The following TUBGCP3 variants were observed in gnomAD, a reference collection of about 807,000 sequenced individuals.
TUBGCP3 encodes the protein tubulin gamma complex component 3.
Under a neutral mutation model 123.1 loss-of-function variants are expected in TUBGCP3, and 50 were observed. The observed-to-expected ratio is 0.41, with a 90% CI of 0.32 to 0.51. The LOEUF (loss-of-function observed/expected upper bound fraction) is 0.51. Among genes scored for constraint, TUBGCP3 ranks in the 20% least tolerant of loss-of-function variants. The pLI is 0.36. For missense variants in TUBGCP3, 882 were observed against 1,127.0 expected (o/e 0.78, Z 3.11); for synonymous variants, 405 against 413.9 (o/e 0.98, Z 0.26).
At chr13:112,564,960 C>T in intron 3 of TUBGCP3, 151 bp downstream of exon 3, 1 of 586,276 alleles carries the variant, frequency 1.7e-6, no homozygotes, top group Non-Finnish European at 2.8e-6. Context: ...CTGAAGCTCA[C>T]ACAAAAAAAG....
intron 1 of TUBGCP3, among the ~76,000 whole-genome samples, chr13:112,582,721 T>C (rs938253314): frequency 6.6e-6 from 1 of 152,162 alleles, no homozygotes. Flanking sequence ...TGGCCACAAA[T>C]CACCTAAGGA....
In TUBGCP3 at chr13:112,588,052, C is replaced by T; in HGVS notation, c.-72G>A. On this transcript the variant is annotated 5_prime_UTR_variant, in exon 1 of 22. Coordinates refer to ENST00000261965, the MANE Select transcript of TUBGCP3 (RefSeq NM_006322.6). ...CGCCGCACGCGCAGGGACCGCGGCC[C>T]GCGCCCTTCCTGCGCCCCGCAAGCT... is the stretch of plus-strand genomic sequence containing the variant. The T allele has an allele frequency of 7.9e-7, 1 of 1,263,170 alleles. No homozygotes were observed. Among genetic ancestry groups the T allele is most frequent in the Non-Finnish European group, 1.0e-6 (1 of 969,568 alleles). The allele number at this position is 1,263,170 out of a possible 1,614,324, so 78.2% of individuals were successfully genotyped here.
intron 11 of TUBGCP3, among the ~76,000 whole-genome samples, chr13:112,531,100 A>C (rs2139107201): frequency 6.6e-6 from 1 of 152,328 alleles, no homozygotes; most frequent in Non-Finnish European, 1.5e-5. Context: ...TCCAAGAGTA[A>C]GTATTTCAGG....
chr13:112,575,507 T>G (rs1030419245), intron 1 of TUBGCP3, among the ~76,000 whole-genome samples: 5 of 152,142 alleles, frequency 3.3e-5, no homozygotes, highest in Non-Finnish European at 7.3e-5. Flanking sequence ...CAAATACATC[T>G]GGAGACATCA....
At chr13:112,558,484 A>ATTTATATT (rs1448675324) in intron 4 of TUBGCP3, 71 bp from the exon 5 acceptor site, 1 of 1,295,492 alleles carries the variant, frequency 7.7e-7, no homozygotes, top group African/African-American at 1.5e-5. Context: ...TAAAAAGGTC[A>ATTTATATT]TTTATATTCA....
intron 13 of TUBGCP3, 134 bp from the exon 14 acceptor site, chr13:112,522,643 C>T (rs912833286): frequency 8.9e-5 from 67 of 753,686 alleles, no homozygotes; most frequent in Non-Finnish European, 1.3e-4. Flanking sequence ...ACCGCAGGCA[C>T]AGACAGCTGG....
Position 112,588,054 on chromosome 13 carries a change from C to A in TUBGCP3, c.-74G>T. ...CCGCACGCGCAGGGACCGCGGCCCGCGCCCTTCCTGCGCCCCGCAAGCTCC... is the reference window on the plus strand; with the variant it reads ...CCGCACGCGCAGGGACCGCGGCCCGAGCCCTTCCTGCGCCCCGCAAGCTCC... On this transcript the variant is annotated 5_prime_UTR_variant, in exon 1 of 22. Coordinates refer to ENST00000261965, the MANE Select transcript of TUBGCP3 (RefSeq NM_006322.6). 2 of 1,259,000 alleles carry A rather than the reference C, an allele frequency of 1.6e-6. No individual in the cohort carries two copies. The highest frequency in any genetic ancestry group is 2.1e-6 in the Non-Finnish European group (2 of 966,818). 78.0% of individuals were successfully genotyped at this position (1,259,000 alleles called of 1,614,324 possible). A position where few individuals can be genotyped will look rare whatever the true frequency, so the allele number is the denominator to read the frequency against.
At position 112,485,107 on chromosome 13, in the gene TUBGCP3, C is replaced by G. The variant is rs1879569432; in HGVS notation, c.*886G>C. 1 of 151,666 alleles carries G rather than the reference C, an allele frequency of 6.6e-6. No homozygotes were observed. Among genetic ancestry groups the G allele is most frequent in the African/African-American group, 2.4e-5 (1 of 41,070 alleles). 9.4% of individuals were successfully genotyped at this position (151,666 alleles called of 1,614,324 possible). ...AATGACATTTTTACAAAAAACAATC[C>G]CCCCCACCCCAACATCTTGGTCAGT... On this transcript the variant is annotated 3_prime_UTR_variant, in exon 22 of 22. Transcript: ENST00000261965.
At chr13:112,562,752 G>C (rs574759230) in intron 3 of TUBGCP3, among the ~76,000 whole-genome samples, 1 of 152,206 alleles carries the variant, frequency 6.6e-6, no homozygotes, top group African/African-American at 2.4e-5. Flanking sequence ...CTACAGGACC[G>C]CAAGTTCAGA....
chr13:112,542,912 C>G (rs1878644673), intron 11 of TUBGCP3, among the ~76,000 whole-genome samples: 1 of 152,074 alleles, frequency 6.6e-6, no homozygotes, highest in African/African-American at 2.4e-5. Flanking sequence ...CTTTGAGAGG[C>G]CAAGGTGGGC....
intron 20 of TUBGCP3, among the ~76,000 whole-genome samples, chr13:112,490,901 T>C (rs1401316518): frequency 1.3e-5 from 2 of 152,232 alleles, no homozygotes; most frequent in African/African-American, 2.4e-5. Context: ...GTATTTGCTC[T>C]GCTTACAATT....
intron 1 of TUBGCP3, 29 bp downstream of exon 1, chr13:112,587,876 G>A (rs563410490): frequency 1.9e-6 from 3 of 1,578,108 alleles, no homozygotes; most frequent in African/African-American, 2.8e-5. Flanking sequence ...GGACGGGTCT[G>A]CGGGCTTCGC....
chr13:112,521,566 C>T (rs529602450), intron 14 of TUBGCP3: 4 of 651,730 alleles, frequency 6.1e-6, no homozygotes, highest in Non-Finnish European at 7.6e-6. Flanking sequence ...TACACTGAAA[C>T]TTGAGGACCT....
rs758814255 is a variant in TUBGCP3, at chr13:112,558,216, C to T, written c.528G>A (p.Ala176=). ...CTTACCCTGGGAGGAGAGATTGTGG[C>T]GCAGGCGCGGGGCCACTGAGGGCAC... ...GLCALSGPAP[A]PQSLLPGQSN... is the part of the protein sequence containing the mutation. The change falls in exon 5 of 22, where the codon GCG becomes GCA. Residue 176 remains alanine, a synonymous_variant. Coordinates refer to ENST00000261965, the MANE Select transcript of TUBGCP3 (RefSeq NM_006322.6). 3.4e-5 allele frequency: 54 copies of T among 1,610,836 alleles called. No individual in the cohort carries two copies. The highest frequency in any genetic ancestry group is 5.0e-5 in the Admixed American group (3 of 59,978).
intron 1 of TUBGCP3, among the ~76,000 whole-genome samples, chr13:112,573,841 G>C (rs1376290616): frequency 1.3e-5 from 2 of 152,122 alleles, no homozygotes; most frequent in South Asian, 2.1e-4. Flanking sequence ...AGTTCAACCC[G>C]GGATGCAGAG....
chr13:112,504,582 C>T (rs764078921), intron 18 of TUBGCP3, 44 bp downstream of exon 18: 1 of 1,479,602 alleles, frequency 6.8e-7, no homozygotes, highest in African/African-American at 1.4e-5. Flanking sequence ...AAAGCCAAGA[C>T]ATGACTTATT....
intron 17 of TUBGCP3, among the ~76,000 whole-genome samples, chr13:112,513,495 T>TA (rs1881811412): frequency 6.6e-6 from 1 of 152,218 alleles, no homozygotes; most frequent in Non-Finnish European, 1.5e-5. Context: ...TGAATATTGC[T>TA]AAAACACTAG....
intron 1 of TUBGCP3, among the ~76,000 whole-genome samples, chr13:112,577,132 T>C (rs1316535296): frequency 6.6e-6 from 1 of 152,198 alleles, no homozygotes; most frequent in Non-Finnish European, 1.5e-5. Context: ...GTAATTTATG[T>C]AGACACTTCA....
rs1384668535 is a variant in TUBGCP3, at chr13:112,518,976, G to T, written c.1949C>A (p.Thr650Asn). 5.6e-6 allele frequency: 9 copies of T among 1,612,158 alleles called. No homozygotes were observed. Among genetic ancestry groups the T allele is most frequent in the Non-Finnish European group, 6.8e-6 (8 of 1,178,204 alleles). Residue 650 changes from threonine (T) to asparagine (N), a missense_variant and splice_region_variant, in exon 16 of 22, where the codon ACT becomes AAT. Transcript: ENST00000261965. ...TAAAATGATGCAGGATAATCTTACA[G>T]TTGCAATTGGTCCGTCAACATGATA... ...LDYHVDGPIA[T>N]VFTRECMSHY...
Sources: gnomAD v4.1 joint callset for allele counts (sites outside exome capture counted in the v4.1 genomes callset) on GRCh38, gnomAD v4.1.1 for gene constraint, MANE v1.5 for transcripts, NCBI Gene and HGNC (gene_info 2026-07-23, HGNC 2026-07-21) for gene names.